SGMS1: variants seen among roughly 807,000 people sequenced by gnomAD.
SGMS1 encodes the protein sphingomyelin synthase 1.
A neutral mutation model predicts 46.2 loss-of-function variants in SGMS1; 13 were observed. That is an observed-to-expected ratio of 0.28 (90% CI 0.18 to 0.45). The LOEUF (loss-of-function observed/expected upper bound fraction) is 0.45. SGMS1 is among the 20% of genes least tolerant of loss of function. The probability of loss-of-function intolerance (pLI) is 1.00; values close to 1 mark genes in which losing one functional copy is unlikely to be tolerated. For synonymous variants in SGMS1, 203 were observed against 187.8 expected (o/e 1.08, Z -0.66); for missense variants, 324 against 519.9 (o/e 0.62, Z 3.66).
intron 6 of SGMS1, among the ~76,000 whole-genome samples, chr10:50,403,946 C>T (rs1317951357): frequency 2.0e-5 from 3 of 151,638 alleles, no homozygotes; most frequent in African/African-American, 7.3e-5. Flanking sequence ...TTTAATATTC[C>T]TTACACCAAA....
chr10:50,500,456 G>A (rs186615234), intron 3 of SGMS1, among the ~76,000 whole-genome samples: 333 of 152,100 alleles, frequency 2.2e-3, no homozygotes, highest in African/African-American at 7.1e-3. Context: ...AATGAAAATC[G>A]GTTTTAAAAT....
chr10:50,490,495 T>C (rs913776511), intron 3 of SGMS1, among the ~76,000 whole-genome samples: 3 of 152,214 alleles, frequency 2.0e-5, no homozygotes, highest in Non-Finnish European at 4.4e-5. Context: ...CAAGCCTACA[T>C]AGCAGCAACA....
chr10:50,379,947 A>T (rs1318632323), intron 6 of SGMS1, among the ~76,000 whole-genome samples: 1 of 152,202 alleles, frequency 6.6e-6, no homozygotes, highest in African/African-American at 2.4e-5. Context: ...TGAGTAAGTG[A>T]CAAAATTACC....
At chr10:50,361,953 C>T (rs1462803446) in intron 6 of SGMS1, among the ~76,000 whole-genome samples, 1 of 152,232 alleles carries the variant, frequency 6.6e-6, no homozygotes, top group East Asian at 1.9e-4. Flanking sequence ...GATTCCCACA[C>T]AAACCAGTCA....
chr10:50,370,384 C>G (rs991990296), intron 6 of SGMS1, among the ~76,000 whole-genome samples: 7 of 150,998 alleles, frequency 4.6e-5, no homozygotes, highest in Non-Finnish European at 1.0e-4. Flanking sequence ...TATCCTTATT[C>G]TATAGGCTTT....
At chr10:50,624,123 T>C, upstream of SGMS1, 1 of 985,386 alleles carries the variant, frequency 1.0e-6, no homozygotes, top group Non-Finnish European at 1.2e-6. Flanking sequence ...CAGTCGCAGT[T>C]TGGGCCCCTT....
intron 2 of SGMS1, among the ~76,000 whole-genome samples, chr10:50,536,249 C>T (rs577400245): frequency 2.1e-4 from 32 of 152,170 alleles, no homozygotes; most frequent in Non-Finnish European, 3.8e-4. Context: ...GGGAGGATCC[C>T]TTGAACCCAG....
intron 3 of SGMS1, among the ~76,000 whole-genome samples, chr10:50,514,461 A>G (rs1837784719): frequency 6.6e-6 from 1 of 152,174 alleles, no homozygotes; most frequent in African/African-American, 2.4e-5. Context: ...TAAAAGTCTC[A>G]TATGGCTCTT....
intron 2 of SGMS1, among the ~76,000 whole-genome samples, chr10:50,546,815 T>C (rs1374091693): frequency 6.6e-6 from 1 of 152,064 alleles, no homozygotes; most frequent in Non-Finnish European, 1.5e-5. Flanking sequence ...GGCGCATGTA[T>C]ACATATGTAA....
At chr10:50,437,421 C>T (rs530893436) in intron 5 of SGMS1, among the ~76,000 whole-genome samples, 1 of 152,344 alleles carries the variant, frequency 6.6e-6, no homozygotes, top group African/African-American at 2.4e-5. Context: ...AACTGAGTAA[C>T]TTGCTCAAGA....
rs375343980 is a variant in SGMS1, at chr10:50,525,822, TC to T, written c.-588-5902del. On this transcript the variant is annotated intron_variant, in intron 2 of 10. Coordinates refer to ENST00000361781, the MANE Select transcript of SGMS1 (RefSeq NM_147156.4). ...AACTTTAGCCTAAAGCATAAGAATT[TC>T]AGCTTTAAGACAATGACTTTCTCCA... Among the ~76,000 whole-genome samples the T allele has an allele frequency of 1.5e-4, 23 of 152,298 alleles. No homozygotes were observed. The East Asian group carries it at 1.5e-3, about 10-fold the overall frequency.
At chr10:50,560,323 T>G (rs1180884606) in intron 2 of SGMS1, among the ~76,000 whole-genome samples, 2 of 138,246 alleles carry the variant, frequency 1.4e-5, no homozygotes, top group South Asian at 4.4e-4. Flanking sequence ...ATTATTAATA[T>G]TATATATTAT....
chr10:50,418,469 A>G (rs1211059957), intron 6 of SGMS1: 1 of 152,346 alleles, frequency 6.6e-6, no homozygotes, highest in Non-Finnish European at 1.5e-5. Context: ...CTACCACGGC[A>G]AAAAAGAAAT....
At chr10:50,585,247 A>G (rs1337769534) in intron 2 of SGMS1, among the ~76,000 whole-genome samples, 1 of 152,236 alleles carries the variant, frequency 6.6e-6, no homozygotes, top group East Asian at 1.9e-4. Context: ...TTATTATTAA[A>G]GTAGCACAAG....
At chr10:50,345,547 T>C (rs1367430215) in intron 6 of SGMS1, among the ~76,000 whole-genome samples, 4 of 152,198 alleles carry the variant, frequency 2.6e-5, no homozygotes, top group Non-Finnish European at 4.4e-5. Flanking sequence ...TATGCATAAA[T>C]AGAAACATAC....
At chr10:50,573,872 T>C (rs1372500436) in intron 2 of SGMS1, among the ~76,000 whole-genome samples, 1 of 152,152 alleles carries the variant, frequency 6.6e-6, no homozygotes, top group Non-Finnish European at 1.5e-5. Context: ...TAAACCCATG[T>C]ACATATAGCC....
intron 2 of SGMS1, among the ~76,000 whole-genome samples, chr10:50,542,857 C>CA (rs752420440): frequency 0.024 from 1,870 of 78,124 alleles, 38 homozygotes; most frequent in African/African-American, 0.08. Context: ...ATGCCAAGTG[C>CA]AAAAAAAAAA....
intron 6 of SGMS1, among the ~76,000 whole-genome samples, chr10:50,401,810 A>T (rs1365320061): frequency 2.0e-5 from 3 of 152,188 alleles, no homozygotes; most frequent in Non-Finnish European, 4.4e-5. Flanking sequence ...TCCAAGAAAC[A>T]CCTACTTTCA....
At chr10:50,393,993 A>G (rs1443483938) in intron 6 of SGMS1, among the ~76,000 whole-genome samples, 1 of 152,204 alleles carries the variant, frequency 6.6e-6, no homozygotes, top group Non-Finnish European at 1.5e-5. Context: ...AGTGAGTCAT[A>G]TATCCTATCT....
Sources: allele counts gnomAD v4.1 joint callset (sites outside exome capture counted in the v4.1 genomes callset), GRCh38; gene constraint gnomAD v4.1.1; transcripts MANE v1.5; gene names NCBI Gene and HGNC (gene_info 2026-07-23, HGNC 2026-07-21).